The following TPRX1 variants were observed in gnomAD, a reference collection of about 807,000 sequenced individuals.
TPRX1 encodes the protein tetrapeptide repeat homeobox 1.
In TPRX1, 2 loss-of-function variants were observed where a neutral mutation model predicts 8.1. The observed-to-expected ratio is 0.25, with a 90% CI of 0.10 to 0.78. The LOEUF (loss-of-function observed/expected upper bound fraction) is 0.78. TPRX1 is among the 30% of genes least tolerant of loss of function. The probability of loss-of-function intolerance (pLI) is 0.70; values close to 1 mark genes in which losing one functional copy is unlikely to be tolerated. For synonymous variants in TPRX1, 257 were observed against 254.1 expected (o/e 1.01, Z -0.11); for missense variants, 517 against 586.9 (o/e 0.88, Z 1.23).
chr19:47,815,152 A>T (rs1967826182), intron 2 of TPRX1, among the ~76,000 whole-genome samples: 1 of 86,196 alleles, frequency 1.2e-5, no homozygotes, highest in African/African-American at 5.1e-5. Flanking sequence ...ATGCAAATAT[A>T]TATATATATA....
chr19:47,815,341 G>A (rs1359136164), intron 2 of TPRX1, among the ~76,000 whole-genome samples: 18 of 145,358 alleles, frequency 1.2e-4, no homozygotes, highest in Non-Finnish European at 1.5e-4. Flanking sequence ...TTTTAGTAGA[G>A]ATGGGTTTTT....
chr19:47,802,000 G>A, exon 4 of TPRX1: 3 of 1,613,576 alleles, frequency 1.9e-6, no homozygotes, highest in Non-Finnish European at 2.5e-6. Context: ...AGGCATCGGG[G>A]CTCTGAGGCC....
At chr19:47,805,784 A>G (rs1383887418) in intron 2 of TPRX1, among the ~76,000 whole-genome samples, 1 of 152,192 alleles carries the variant, frequency 6.6e-6, no homozygotes, top group African/African-American at 2.4e-5. Flanking sequence ...TATTTGGTCA[A>G]TAAAGACATA....
chr19:47,812,344 C>A (rs1967791559), intron 2 of TPRX1, among the ~76,000 whole-genome samples: 1 of 152,090 alleles, frequency 6.6e-6, no homozygotes, highest in African/African-American at 2.4e-5. Context: ...TGCCTGTAAT[C>A]CCAGCACCTT....
chr19:47,817,487 G>A (rs748071044), intron 2 of TPRX1, among the ~76,000 whole-genome samples: 4 of 152,098 alleles, frequency 2.6e-5, no homozygotes, highest in East Asian at 1.9e-4. Context: ...ACAGCCCCAC[G>A]GAGCTCAGAG....
intron 2 of TPRX1, among the ~76,000 whole-genome samples, chr19:47,810,122 G>A (rs1406941241): frequency 6.6e-6 from 1 of 151,166 alleles, no homozygotes; most frequent in African/African-American, 2.4e-5. Context: ...GGGTGTGGTG[G>A]AGGGCGCCTG....
intron 2 of TPRX1, among the ~76,000 whole-genome samples, chr19:47,806,091 C>T (rs940709925): frequency 6.6e-6 from 1 of 151,964 alleles, no homozygotes; most frequent in Non-Finnish European, 1.5e-5. Flanking sequence ...GGCGTGGTGG[C>T]CAGCACCTGA....
chr19:47,816,802 G>T lies in TPRX1; in HGVS notation c.151+1666C>A, dbSNP rs188565086. ...CCGCCTTGGCCTCCCAAAGTGCTGG[G>T]ATTACAGGCGTGAGCCACCACGCCC... is the stretch of plus-strand genomic sequence containing the variant. On this transcript the variant is annotated intron_variant, in intron 2 of 3. Transcript: ENST00000535759. Among the ~76,000 whole-genome samples the T allele has an allele frequency of 3.9e-5, 6 of 152,286 alleles. No homozygotes were observed. In the South Asian group the frequency reaches 1.2e-3, roughly 32 times the overall value.
chr19:47,812,396 AG>A, intron 2 of TPRX1, among the ~76,000 whole-genome samples: 1 of 151,824 alleles, frequency 6.6e-6, no homozygotes, highest in African/African-American at 2.4e-5. Context: ...CAGGAGTTCG[AG>A]ACCAGCCTGG....
At chr19:47,802,562 C>T (rs561687331) in exon 4 of TPRX1, 3 of 1,394,914 alleles carry the variant, frequency 2.2e-6, no homozygotes, top group East Asian at 3.2e-5. Flanking sequence ...GATTGGGCCA[C>T]GGAATGGGCC....
At chr19:47,807,545 C>G (rs926939032) in intron 2 of TPRX1, among the ~76,000 whole-genome samples, 1 of 151,036 alleles carries the variant, frequency 6.6e-6, no homozygotes, top group Admixed American at 6.6e-5. Flanking sequence ...AAAATTTTTT[C>G]TATTTTTAGT....
intron 2 of TPRX1, among the ~76,000 whole-genome samples, chr19:47,809,403 C>T (rs1967762735): frequency 1.3e-5 from 2 of 152,112 alleles, no homozygotes; most frequent in South Asian, 4.2e-4. Flanking sequence ...ACCTCAGCCT[C>T]CCAAGTAGCT....
chr19:47,811,776 C>T (rs934898985), intron 2 of TPRX1, among the ~76,000 whole-genome samples: 1 of 151,106 alleles, frequency 6.6e-6, no homozygotes, highest in African/African-American at 2.4e-5. Context: ...GGATTACAGG[C>T]GTGAGCCACC....
At chr19:47,816,899 G>C (rs1391768837) in intron 2 of TPRX1, among the ~76,000 whole-genome samples, 1 of 152,160 alleles carries the variant, frequency 6.6e-6, no homozygotes, top group Non-Finnish European at 1.5e-5. Flanking sequence ...ATACACTGGT[G>C]GATTATTTGC....
intron 2 of TPRX1, among the ~76,000 whole-genome samples, chr19:47,810,953 T>C (rs1447030135): frequency 6.6e-6 from 1 of 151,454 alleles, no homozygotes; most frequent in Non-Finnish European, 1.5e-5. Flanking sequence ...TTCCTCTCGG[T>C]GTCTGGACAT....
chr19:47,815,876 C>A (rs1435249184), intron 2 of TPRX1, among the ~76,000 whole-genome samples: 1 of 151,722 alleles, frequency 6.6e-6, no homozygotes, highest in Non-Finnish European at 1.5e-5. Flanking sequence ...TAGTCAATAT[C>A]AACAAAAGCT....
At chr19:47,805,619 G>A (rs539094480) in intron 2 of TPRX1, among the ~76,000 whole-genome samples, 6 of 152,098 alleles carry the variant, frequency 3.9e-5, no homozygotes, top group Non-Finnish European at 5.9e-5. Flanking sequence ...TTGTTACCAC[G>A]GGCCTCGCTC....
intron 2 of TPRX1, among the ~76,000 whole-genome samples, 24 bp downstream of exon 1, chr19:47,804,491 C>G (rs1474350509): frequency 2.6e-5 from 4 of 152,230 alleles, no homozygotes; most frequent in Non-Finnish European, 5.9e-5. Flanking sequence ...AGCCCAGACC[C>G]CTCACACCTC....
chr19:47,803,898 C>T (rs929847236), intron 2 of TPRX1, among the ~76,000 whole-genome samples: 1 of 152,016 alleles, frequency 6.6e-6, no homozygotes, highest in Non-Finnish European at 1.5e-5. Context: ...GCAGCGTAGG[C>T]GCCTCACCTC....
Sources: gnomAD v4.1 joint callset for allele counts (sites outside exome capture counted in the v4.1 genomes callset) on GRCh38, gnomAD v4.1.1 for gene constraint, MANE v1.5 for transcripts, NCBI Gene and HGNC (gene_info 2026-07-23, HGNC 2026-07-21) for gene names.